The following DNAH6 variants were observed in gnomAD, a reference collection of about 807,000 sequenced individuals.
DNAH6 encodes dynein axonemal heavy chain 6, also known as axonemal beta dynein heavy chain 6.
In DNAH6, 340 loss-of-function variants were observed where a neutral mutation model predicts 491.4. That is an observed-to-expected ratio of 0.69 (90% confidence interval 0.63 to 0.76). The LOEUF is 0.76. Ranked by LOEUF, DNAH6 falls within the 30% of genes least tolerant of loss-of-function variation. The probability of loss-of-function intolerance (pLI) is 0.00; values close to 1 mark genes in which losing one functional copy is unlikely to be tolerated. For missense variants in DNAH6, 4,443 were observed against 4,972.2 expected, an observed-to-expected ratio of 0.89 and a Z score of 3.20; for synonymous variants, 1,603 against 1,686.1, an observed-to-expected ratio of 0.95 and a Z score of 1.21.
chr2:84,735,721 G>A (rs1558977908), intron 62 of DNAH6, among the ~76,000 whole-genome samples: 1 of 151,792 alleles, frequency 6.6e-6, no homozygotes, highest in East Asian at 1.9e-4. Flanking sequence ...ACTTTTTAAT[G>A]GGCTTATTTA....
In DNAH6 at chr2:84,668,834, GTGTGTGTGTGTGTGTGTGTGTGTA is replaced by G. The variant is rs1422263726; in HGVS notation, c.6085-452_6085-429del. ...TCTGTGTGTGTGTGTGTGTGTGTGTGTGTGTGTGTGTGTGTGTGTGTGTATGATTGTAATAAACTCCTTTAGAGC... is the reference window on the plus strand; with the variant it reads ...TCTGTGTGTGTGTGTGTGTGTGTGTGTGATTGTAATAAACTCCTTTAGAGC... On this transcript the variant is annotated intron_variant, in intron 37 of 76. Coordinates refer to ENST00000389394, the MANE Select transcript of DNAH6 (RefSeq NM_001370.2). 6.4e-3 allele frequency among the ~76,000 whole-genome samples: 373 copies of G among 58,398 alleles called. 1 individual carries two copies. The highest frequency in any genetic ancestry group is 0.018 in the African/African-American group (330 of 18,334). 38.3% of individuals were successfully genotyped at this position (58,398 alleles called of 152,430 possible). A position where few individuals can be genotyped will look rare whatever the true frequency, so the allele number is the denominator to read the frequency against.
At chr2:84,771,276 G>A (rs374367706) in intron 64 of DNAH6, among the ~76,000 whole-genome samples, 26 of 148,254 alleles carry the variant, frequency 1.8e-4, no homozygotes, top group Middle Eastern at 3.4e-3. Flanking sequence ...CAACAAGAAC[G>A]AAACTCAGTC....
intron 11 of DNAH6, among the ~76,000 whole-genome samples, chr2:84,570,677 C>A (rs1365198637): frequency 6.6e-6 from 1 of 152,082 alleles, no homozygotes; most frequent in East Asian, 1.9e-4. Context: ...TAAAATGGGC[C>A]CATTAGCACT....
intron 33 of DNAH6, among the ~76,000 whole-genome samples, chr2:84,643,268 T>G (rs1363892570): frequency 2.5e-5 from 3 of 120,468 alleles, no homozygotes; most frequent in Admixed American, 1.7e-4. Flanking sequence ...TAAAGTGGGG[T>G]TTTTTTTTTC....
chr2:84,544,268 A>G lies in DNAH6; in HGVS notation c.698A>G (p.Tyr233Cys). ...TATGAGAACATCAATAAAAATGACT[A>G]CTATACTATTAGCCAAAGGGCAGTA... The part of the protein sequence containing the change: ...VSYENINKND[Y>C]YTISQRAVTH... Residue 233 changes from tyrosine to cysteine, a missense_variant, in exon 5 of 77, where the codon TAC (tyrosine) becomes TGC (cysteine). This residue lies in a region of DNAH6 where 2,977 missense variants were observed against 3,296.6 expected (regional missense o/e 0.90). Coordinates refer to ENST00000389394, the MANE Select transcript of DNAH6 (RefSeq NM_001370.2). 6.6e-7 allele frequency: 1 copy of G among 1,503,804 alleles called. No individual in the cohort carries two copies. Among genetic ancestry groups the G allele is most frequent in the Non-Finnish European group, 9.1e-7 (1 of 1,104,522 alleles). The allele number at this position is 1,503,804 out of a possible 1,614,324, so 93.2% of individuals were successfully genotyped here.
intron 16 of DNAH6, among the ~76,000 whole-genome samples, chr2:84,590,229 C>T (rs188293682): frequency 7.6e-4 from 115 of 152,190 alleles, no homozygotes; most frequent in African/African-American, 2.7e-3. Flanking sequence ...GGCGCAGTGG[C>T]TCACACCTGT....
At chr2:84,585,687 G>A (rs1013543105) in intron 15 of DNAH6, among the ~76,000 whole-genome samples, 2 of 151,956 alleles carry the variant, frequency 1.3e-5, no homozygotes, top group Non-Finnish European at 2.9e-5. Flanking sequence ...CCCTGAAGTG[G>A]GTTGCTACTC....
In DNAH6 at chr2:84,757,708, G is replaced by A. The variant is rs117554888; in HGVS notation, c.10513-5047G>A. 3.7e-4 allele frequency among the ~76,000 whole-genome samples: 56 copies of A among 152,268 alleles called. No individual in the cohort carries two copies. In the East Asian group the frequency reaches 8.3e-3, roughly 23 times the overall value. ...CAGAGAACTCTAAACCACCTAATAC[G>A]AAAGTGGGAAGAACCATTTAGCAAT... On this transcript the variant is annotated intron_variant, in intron 63 of 76. Transcript: ENST00000389394.
intron 29 of DNAH6, among the ~76,000 whole-genome samples, chr2:84,629,727 T>C (rs1247010954): frequency 6.6e-6 from 1 of 152,230 alleles, no homozygotes; most frequent in African/African-American, 2.4e-5. Flanking sequence ...ACCCAGACTG[T>C]GGTCTTAAGT....
intron 29 of DNAH6, among the ~76,000 whole-genome samples, chr2:84,627,020 T>A (rs1687942783): frequency 6.6e-6 from 1 of 152,192 alleles, no homozygotes; most frequent in South Asian, 2.1e-4. Flanking sequence ...ATTTCTGACA[T>A]CCGCCAAGGT....
intron 29 of DNAH6, among the ~76,000 whole-genome samples, chr2:84,627,555 C>T (rs1032241895): frequency 6.6e-6 from 1 of 152,146 alleles, no homozygotes; most frequent in Non-Finnish European, 1.5e-5. Flanking sequence ...TAATATTTTG[C>T]TTCCTCTCTG....
At chr2:84,772,360 AT>A (rs1480644341) in intron 64 of DNAH6, among the ~76,000 whole-genome samples, 1 of 152,092 alleles carries the variant, frequency 6.6e-6, no homozygotes, top group Non-Finnish European at 1.5e-5. Flanking sequence ...ATTATATTAA[AT>A]GCAAATGGAT....
chr2:84,761,918 C>A lies in DNAH6; in HGVS notation c.10513-837C>A, dbSNP rs183614368. ...GTTATGCAGGATGTCCACTGAATAA[C>A]CCATGGGGGAGCCATTCACATTGTA... is the stretch of plus-strand genomic sequence containing the variant. On this transcript the variant is annotated intron_variant, in intron 63 of 76. Transcript: ENST00000389394. 9.2e-5 allele frequency among the ~76,000 whole-genome samples: 14 copies of A among 152,214 alleles called. 1 individual carries two copies. In the East Asian group the frequency reaches 2.7e-3, roughly 29 times the overall value.
Position 84,544,474 on chromosome 2 carries a change from C to CA in DNAH6, c.911dup (p.Asn304LysfsTer6), listed in dbSNP as rs763637561. 5 of 1,499,150 alleles carry CA rather than the reference C, an allele frequency of 3.3e-6. No individual in the cohort carries two copies. The highest frequency in any genetic ancestry group is 1.4e-5 in the African/African-American group (1 of 72,212). The allele number at this position is 1,499,150 out of a possible 1,614,324, so 92.9% of individuals were successfully genotyped here. ...AATCACTGGATGTCAAAAATCTCTA[C>CA]AAAAAAATTTGTTCATTGTTAATCC... On this transcript the variant is annotated frameshift_variant, in exon 5 of 77. Transcript: ENST00000389394. LOFTEE classifies it high-confidence loss of function.
chr2:84,537,315 CT>C (rs1224138693), intron 4 of DNAH6, among the ~76,000 whole-genome samples: 1 of 151,970 alleles, frequency 6.6e-6, no homozygotes, highest in African/African-American at 2.4e-5. Context: ...AGTTCAGATT[CT>C]TTTTTTCTGA....
At chr2:84,585,346 T>G (rs1051828422) in intron 15 of DNAH6, among the ~76,000 whole-genome samples, 1 of 152,176 alleles carries the variant, frequency 6.6e-6, no homozygotes, top group Non-Finnish European at 1.5e-5. Context: ...GAAACCTCTG[T>G]GGCCAGTAGT....
At chr2:84,650,980 T>C (rs1230663808) in intron 33 of DNAH6, among the ~76,000 whole-genome samples, 2 of 152,184 alleles carry the variant, frequency 1.3e-5, no homozygotes, top group African/African-American at 2.4e-5. Flanking sequence ...CAGGTGGGGA[T>C]AGAATTCAAG....
At position 84,635,558 on chromosome 2, in the gene DNAH6, G is replaced by A. The variant is rs534176839; in HGVS notation, c.4653+917G>A. Among the ~76,000 whole-genome samples, 10 of 152,276 alleles carry A rather than the reference G, an allele frequency of 6.6e-5. No individual in the cohort carries two copies. The South Asian group carries it at 1.9e-3, about 28-fold the overall frequency. ...TTGTGCAAGTTATTATCATCTGGCTGAGCAATTCACTGAAAGCAAAGTATA... is the reference window on the plus strand; with the variant it reads ...TTGTGCAAGTTATTATCATCTGGCTAAGCAATTCACTGAAAGCAAAGTATA... On this transcript the variant is annotated intron_variant, in intron 30 of 76. Transcript: ENST00000389394.
At chr2:84,745,680 A>G (rs933065441) in intron 63 of DNAH6, among the ~76,000 whole-genome samples, 1 of 150,864 alleles carries the variant, frequency 6.6e-6, no homozygotes, top group Non-Finnish European at 1.5e-5. Flanking sequence ...AAAAAAAAAA[A>G]AAAAGAAACA....
Sources: allele counts gnomAD v4.1 joint callset (sites outside exome capture counted in the v4.1 genomes callset), GRCh38; gene constraint gnomAD v4.1.1; regional missense constraint gnomAD v4.1.1; transcripts MANE v1.5; gene names NCBI Gene and HGNC (gene_info 2026-07-23, HGNC 2026-07-21).